The following SNX31 variants were observed in gnomAD, a reference collection of about 807,000 sequenced individuals.
SNX31 encodes the protein sorting nexin-31.
SNX31 carries 58 observed loss-of-function variants against 65.4 expected under a neutral mutation model. The observed-to-expected ratio is 0.89, with a 90% confidence interval of 0.72 to 1.10. The LOEUF is 1.10. SNX31 is among the 50% of genes least tolerant of loss of function. The pLI, the probability that SNX31 is intolerant of heterozygous loss-of-function variation, is 0.00. For missense variants in SNX31, 523 were observed against 529.7 expected (o/e 0.99, Z 0.12); for synonymous variants, 181 against 190.1 (o/e 0.95, Z 0.39).
chr8:100,588,846 G>T lies in SNX31; in HGVS notation c.1092+20C>A. On this transcript the variant is annotated intron_variant, in intron 11 of 13. Transcript: ENST00000311812. This position sits in a 1 kb window ranked among gnomAD's most constrained non-coding sequence, Gnocchi z 4.8. The stretch of plus-strand genomic sequence containing the variant: ...GCATTTCAGCACAGAGGGTGTTCAA[G>T]GTCTGCCCTGAGAACTCACCTGTTT... 1.3e-6 allele frequency: 2 copies of T among 1,566,474 alleles called. No individual in the cohort carries two copies. The highest frequency in any genetic ancestry group is 1.1e-5 in the South Asian group (1 of 89,894).
At chr8:100,611,076 A>G (rs1816672803) in intron 7 of SNX31, among the ~76,000 whole-genome samples, 4 of 152,190 alleles carry the variant, frequency 2.6e-5, no homozygotes, top group Admixed American at 2.6e-4. Flanking sequence ...AGGAAATGAC[A>G]GTATTTTCTG....
chr8:100,634,881 C>T (rs1032506300), intron 3 of SNX31, among the ~76,000 whole-genome samples: 2 of 151,400 alleles, frequency 1.3e-5, no homozygotes, highest in Non-Finnish European at 2.9e-5. Context: ...TATAGTGAGA[C>T]CCCACCTCTG....
intron 11 of SNX31, among the ~76,000 whole-genome samples, chr8:100,584,570 G>T (rs1458036354): frequency 6.6e-6 from 1 of 151,598 alleles, no homozygotes; most frequent in African/African-American, 2.4e-5. Flanking sequence ...ACTGATGATG[G>T]TCAATCCTAT....
In SNX31 at chr8:100,648,322, C is replaced by CT. The variant is rs33988254; in HGVS notation, c.141+951dup. Among the ~76,000 whole-genome samples, 7,312 of 131,336 alleles carry CT rather than the reference C, an allele frequency of 0.056. 415 individuals are homozygous for CT. Among genetic ancestry groups the CT allele is most frequent in the African/African-American group, 0.13 (4,456 of 35,016 alleles). The allele number at this position is 131,336 out of a possible 152,430, so 86.2% of individuals were successfully genotyped here. ...GAAAGTTTTTTCAGTTTTCTCTACA[C>CT]TTTTTTTTTTTTTTTTTTTAATAGA... On this transcript the variant is annotated intron_variant, in intron 2 of 13. Transcript: ENST00000311812. This position sits in a 1 kb window ranked among gnomAD's most constrained non-coding sequence, Gnocchi z 4.3.
intron 1 of SNX31, among the ~76,000 whole-genome samples, chr8:100,657,428 G>A (rs1384783145): frequency 6.7e-6 from 1 of 150,104 alleles, no homozygotes; most frequent in African/African-American, 2.5e-5. Context: ...CTCCAGCCTG[G>A]GCAACAAGAG....
chr8:100,618,548 A>T, intron 4 of SNX31: 2 of 564,844 alleles, frequency 3.5e-6, no homozygotes, highest in Non-Finnish European at 3.1e-6. Context: ...GCTCCACAAG[A>T]CTACCCCCTT....
chr8:100,574,087 GTTATT>G (rs1290956463), intron 13 of SNX31, 127 bp from the exon 14 acceptor site: 2 of 538,368 alleles, frequency 3.7e-6, no homozygotes, highest in African/African-American at 2.0e-5. Context: ...ATAAGCAATG[GTTATT>G]TTAAACAGTT....
At chr8:100,663,111 GC>G (rs1809814401) in intron 1 of SNX31, 1 of 152,150 alleles carries the variant, frequency 6.6e-6, no homozygotes, top group African/African-American at 2.4e-5. Flanking sequence ...AACACTGGAG[GC>G]TCCAAAAGGA....
At chr8:100,583,211 A>G (rs767357719) in intron 12 of SNX31, among the ~76,000 whole-genome samples, 2 of 151,354 alleles carry the variant, frequency 1.3e-5, no homozygotes, top group Non-Finnish European at 2.9e-5. Context: ...GGATCAAGCA[A>G]TTCTCCTGCC....
intron 12 of SNX31, among the ~76,000 whole-genome samples, chr8:100,581,467 A>C (rs1272587835): frequency 6.6e-6 from 1 of 151,870 alleles, no homozygotes; most frequent in Non-Finnish European, 1.5e-5. Flanking sequence ...CACAAGTTTT[A>C]TCTTTGAAAA....
chr8:100,652,348 A>G (rs528685402), upstream of SNX31, among the ~76,000 whole-genome samples: 7 of 152,276 alleles, frequency 4.6e-5, no homozygotes, highest in East Asian at 1.4e-3. Flanking sequence ...TCAATCCTAT[A>G]TTGTTTCCAA....
chr8:100,618,236 C>A (rs1817403134), intron 4 of SNX31: 1 of 1,444,724 alleles, frequency 6.9e-7, no homozygotes, highest in Non-Finnish European at 9.3e-7. Context: ...TAACATGAAG[C>A]TTAAAGAACT....
At chr8:100,595,328 T>C (rs1814981267) in intron 10 of SNX31, among the ~76,000 whole-genome samples, 3 of 151,346 alleles carry the variant, frequency 2.0e-5, no homozygotes, top group Admixed American at 2.0e-4. Context: ...TTTTTTTTTT[T>C]TCAGATGGGT....
chr8:100,656,686 A>G (rs1216535101), intron 1 of SNX31, among the ~76,000 whole-genome samples: 1 of 151,624 alleles, frequency 6.6e-6, no homozygotes, highest in Non-Finnish European at 1.5e-5. Flanking sequence ...GCAAAGCACA[A>G]ACTGTATAAT....
At chr8:100,656,201 G>C (rs893600335) in intron 1 of SNX31, among the ~76,000 whole-genome samples, 5 of 152,204 alleles carry the variant, frequency 3.3e-5, no homozygotes, top group Non-Finnish European at 7.3e-5. Context: ...TGTCAAAAAG[G>C]ATGGATTTAA....
chr8:100,622,639 A>C lies in SNX31; in HGVS notation c.322-4909T>G, dbSNP rs1397105367. 6.6e-6 allele frequency among the ~76,000 whole-genome samples: 1 copy of C among 152,104 alleles called. No individual in the cohort carries two copies. Among genetic ancestry groups the C allele is most frequent in the East Asian group, 1.9e-4 (1 of 5,180 alleles). Reference sequence around the variant, plus strand: ...GCACTCCAGCCTGGGTGACAGAGCAAGACTCCCTCTCAAAAAATAAATAAG... The same window carrying C: ...GCACTCCAGCCTGGGTGACAGAGCACGACTCCCTCTCAAAAAATAAATAAG... On this transcript the variant is annotated intron_variant, in intron 4 of 13. Transcript: ENST00000311812. The surrounding 1 kb of genome is among the most constrained non-coding windows in gnomAD (Gnocchi z 5.0).
At chr8:100,618,294 A>G in intron 4 of SNX31, 1 of 1,523,308 alleles carries the variant, frequency 6.6e-7, no homozygotes. Flanking sequence ...AGCTTTTGAT[A>G]AAGTCTGCAT....
rs781107473 is a variant in SNX31 at position 100,608,604 on chromosome 8, G to T, written c.612-41C>A. 9 of 1,595,616 alleles carry T rather than the reference G, an allele frequency of 5.6e-6. No homozygotes were observed. The African/African-American group carries it at 1.2e-4, about 21-fold the overall frequency. On this transcript the variant is annotated intron_variant, in intron 7 of 13. Coordinates refer to ENST00000311812, the MANE Select transcript of SNX31 (RefSeq NM_152628.4). ...GTGTGAAATTCATTCCTGTGACATGGCCCATGGGCACACCTGGCAAGTGCT... is the reference window on the plus strand; with the variant it reads ...GTGTGAAATTCATTCCTGTGACATGTCCCATGGGCACACCTGGCAAGTGCT...
chr8:100,636,522 T>G (rs2131221197), intron 2 of SNX31, among the ~76,000 whole-genome samples: 1 of 152,330 alleles, frequency 6.6e-6, no homozygotes, highest in Admixed American at 6.5e-5. Context: ...TAAAATACAT[T>G]CCAAATTTCA....
Sources: allele counts gnomAD v4.1 joint callset (sites outside exome capture counted in the v4.1 genomes callset), GRCh38; gene constraint gnomAD v4.1.1; non-coding constraint Gnocchi (gnomAD v3.1); transcripts MANE v1.5; gene names NCBI Gene and HGNC (gene_info 2026-07-23, HGNC 2026-07-21).